The following CACNG3 variants were observed in gnomAD, a reference collection of about 807,000 sequenced individuals.
CACNG3 encodes the protein voltage-dependent calcium channel gamma-3 subunit.
CACNG3 carries 3 observed loss-of-function variants against 28.5 expected under a neutral mutation model. The observed-to-expected ratio is 0.11, with a 90% CI of 0.05 to 0.27. The LOEUF (loss-of-function observed/expected upper bound fraction) is 0.27, where lower values mean the gene tolerates loss of function less well. Ranked by LOEUF, CACNG3 falls within the 10% of genes least tolerant of loss-of-function variation. The probability of loss-of-function intolerance (pLI) is 1.00; values close to 1 mark genes in which losing one functional copy is unlikely to be tolerated. For synonymous variants in CACNG3, 174 were observed against 162.2 expected (o/e 1.07, Z -0.55); for missense variants, 236 against 414.4 (o/e 0.57, Z 3.74).
intron 1 of CACNG3, among the ~76,000 whole-genome samples, chr16:24,325,608 TCA>T (rs1899530541): frequency 6.6e-6 from 1 of 152,266 alleles, no homozygotes; most frequent in Non-Finnish European, 1.5e-5. Context: ...GGCTGGTGAT[TCA>T]CAGTTTATGA....
intron 3 of CACNG3, among the ~76,000 whole-genome samples, chr16:24,356,710 C>T (rs1293864382): frequency 1.3e-5 from 2 of 151,688 alleles, no homozygotes; most frequent in Admixed American, 6.6e-5. Context: ...TCAAAATAGT[C>T]GTAATCATAA....
intron 3 of CACNG3, among the ~76,000 whole-genome samples, chr16:24,355,457 C>T (rs913658098): frequency 1.3e-5 from 2 of 152,078 alleles, no homozygotes; most frequent in Admixed American, 6.5e-5. Flanking sequence ...GTGGTGCACA[C>T]CTGTGGTCCC....
chr16:24,257,740 AC>A (rs1898487453), intron 1 of CACNG3, among the ~76,000 whole-genome samples: 1 of 152,224 alleles, frequency 6.6e-6, no homozygotes, highest in Non-Finnish European at 1.5e-5. Flanking sequence ...TTTACAAAAG[AC>A]TGATTCTCCA....
chr16:24,302,962 A>AT lies in CACNG3; in HGVS notation c.212-43762dup, dbSNP rs112434539. Among the ~76,000 whole-genome samples the AT allele has an allele frequency of 6.3e-3, 927 of 147,134 alleles. 9 individuals carry two copies. Among genetic ancestry groups the AT allele is most frequent in the African/African-American group, 0.022 (872 of 39,926 alleles). On this transcript the variant is annotated intron_variant, in intron 1 of 3. Coordinates refer to ENST00000005284, the MANE Select transcript of CACNG3 (RefSeq NM_006539.4). ...GGCATGAGCCTCTGAACCTGACCTA[A>AT]TTTTTTTTTTAAATAGAGATAAGGT...
chr16:24,297,031 A>G (rs936676108), intron 1 of CACNG3, among the ~76,000 whole-genome samples: 32 of 152,232 alleles, frequency 2.1e-4, no homozygotes, highest in African/African-American at 7.2e-4. Context: ...TTGGGAGGCC[A>G]AGGCAGGAGG....
At chr16:24,334,743 C>G (rs1437333709) in intron 1 of CACNG3, among the ~76,000 whole-genome samples, 1 of 152,234 alleles carries the variant, frequency 6.6e-6, no homozygotes, top group Non-Finnish European at 1.5e-5. Flanking sequence ...ACCCAGAAAG[C>G]TCTGTCTGGC....
Position 24,361,888 on chromosome 16 carries a change from G to C in CACNG3, c.*25G>C, listed in dbSNP as rs781552218. Reference sequence around the variant, plus strand: ...AACTGACCTCTGACCTCTGCCCCACGCCCAGCACAGCCTTGGGGGAAGTGT... The same window carrying C: ...AACTGACCTCTGACCTCTGCCCCACCCCCAGCACAGCCTTGGGGGAAGTGT... On this transcript the variant is annotated 3_prime_UTR_variant, in exon 4 of 4. Transcript: ENST00000005284. This position sits in a 1 kb window ranked among gnomAD's most constrained non-coding sequence, Gnocchi z 6.8. 6.3e-7 allele frequency: 1 copy of C among 1,576,456 alleles called. No homozygotes were observed. The highest frequency in any genetic ancestry group is 8.6e-7 in the Non-Finnish European group (1 of 1,165,724).
intron 1 of CACNG3, among the ~76,000 whole-genome samples, chr16:24,317,560 AAGAAAG>A (rs1899370925): frequency 1.8e-4 from 5 of 28,538 alleles, no homozygotes; most frequent in South Asian, 1.5e-3. Context: ...AAGAAAAAGA[AAGAAAG>A]AAAGAAAGAA....
chr16:24,340,541 C>T (rs568111623), intron 1 of CACNG3, among the ~76,000 whole-genome samples: 1 of 152,248 alleles, frequency 6.6e-6, no homozygotes, highest in East Asian at 1.9e-4. Context: ...ACGATTGTTA[C>T]ATGTCAACTA....
intron 1 of CACNG3, among the ~76,000 whole-genome samples, chr16:24,332,782 C>A (rs1317737591): frequency 6.6e-6 from 1 of 152,084 alleles, no homozygotes; most frequent in Non-Finnish European, 1.5e-5. Context: ...TACACAGGCA[C>A]CCCCTCCCTA....
chr16:24,323,905 T>C (rs1258386253), intron 1 of CACNG3, among the ~76,000 whole-genome samples: 3 of 152,278 alleles, frequency 2.0e-5, no homozygotes, highest in Admixed American at 6.5e-5. Context: ...TGAGCTGGGA[T>C]TACAGGTGCA....
chr16:24,353,568 CT>C (rs1005354602), intron 2 of CACNG3, among the ~76,000 whole-genome samples: 26 of 152,290 alleles, frequency 1.7e-4, no homozygotes, highest in African/African-American at 5.8e-4. Context: ...ACCTCCAGGA[CT>C]CTGCTTCGAC....
intron 1 of CACNG3, among the ~76,000 whole-genome samples, chr16:24,272,667 ATTATT>A (rs1307822097): frequency 1.3e-5 from 2 of 151,904 alleles, no homozygotes; most frequent in African/African-American, 4.8e-5. Context: ...GTTATTTTAC[ATTATT>A]TTGTTTTTAA....
chr16:24,285,929 C>A (rs911311144), intron 1 of CACNG3, among the ~76,000 whole-genome samples: 1 of 150,918 alleles, frequency 6.6e-6, no homozygotes, highest in Non-Finnish European at 1.5e-5. Flanking sequence ...CTGCCACCTC[C>A]ACCCACTAGG....
intron 1 of CACNG3, among the ~76,000 whole-genome samples, chr16:24,292,243 T>C (rs954744343): frequency 1.3e-5 from 2 of 151,890 alleles, no homozygotes; most frequent in Non-Finnish European, 2.9e-5. Flanking sequence ...TCAAGGGGAG[T>C]CCTGAATGGC....
At chr16:24,348,889 T>G (rs9925471) in intron 2 of CACNG3, among the ~76,000 whole-genome samples, 3,970 of 152,310 alleles carry the variant, frequency 0.026, 67 homozygotes, top group African/African-American at 0.036. Context: ...TATAGCTGAT[T>G]TTAAGTTCTT....
At chr16:24,264,154 A>G (rs1277167968) in intron 1 of CACNG3, among the ~76,000 whole-genome samples, 2 of 152,254 alleles carry the variant, frequency 1.3e-5, no homozygotes, top group Non-Finnish European at 2.9e-5. Context: ...AGAGCAGCCC[A>G]TTAACCAAGA....
At chr16:24,343,640 T>C (rs1228913926) in intron 1 of CACNG3, among the ~76,000 whole-genome samples, 1 of 152,182 alleles carries the variant, frequency 6.6e-6, no homozygotes, top group Admixed American at 6.5e-5. Flanking sequence ...TAGTTCACAA[T>C]ACAGACTTGT....
In CACNG3 at chr16:24,311,987, G is replaced by T. The variant is rs544420359; in HGVS notation, c.212-34747G>T. Among the ~76,000 whole-genome samples the T allele has an allele frequency of 1.7e-4, 26 of 152,320 alleles. 1 individual carries two copies. The highest frequency in any genetic ancestry group is 1.0e-3 in the South Asian group (5 of 4,828). On this transcript the variant is annotated intron_variant, in intron 1 of 3. Coordinates refer to ENST00000005284, the MANE Select transcript of CACNG3 (RefSeq NM_006539.4). The stretch of plus-strand genomic sequence containing the variant: ...TGATCAATCATCACGTCTGTCCCTG[G>T]ACCTGACCTATTTGATTTGAGAAAA...
Sources: gnomAD v4.1 joint callset for allele counts (sites outside exome capture counted in the v4.1 genomes callset) on GRCh38, gnomAD v4.1.1 for gene constraint, Gnocchi (gnomAD v3.1) non-coding constraint, MANE v1.5 for transcripts, NCBI Gene and HGNC (gene_info 2026-07-23, HGNC 2026-07-21) for gene names.